Variants in SRFBP1 observed in about 807,000 individuals in gnomAD.
SRFBP1 encodes the protein serum response factor binding protein 1.
A neutral mutation model predicts 45.5 loss-of-function variants in SRFBP1; 47 were observed. The observed-to-expected ratio is 1.03, with a 90% CI of 0.82 to 1.32. The LOEUF is 1.32. SRFBP1 is among the 40% of genes most tolerant of loss of function. The probability of loss-of-function intolerance (pLI) is 0.00; values close to 1 mark genes in which losing one functional copy is unlikely to be tolerated. For missense variants in SRFBP1, 621 were observed against 484.6 expected, an observed-to-expected ratio of 1.28 and a Z score of -2.64; for synonymous variants, 203 against 166.3, an observed-to-expected ratio of 1.22 and a Z score of -1.70.
Position 122,022,385 on chromosome 5 carries a change from G to T in SRFBP1, c.1083G>T (p.Gln361His). ...SKSSRRNFKEQAPKTRSLDFP... is the reference protein window; with the variant it reads ...SKSSRRNFKEHAPKTRSLDFP... ...CTTCTTTTAGAAATTTCAAAGAACA[G>T]GCTCCAAAAACAAGATCCCTAGGTA... Residue 361 changes from glutamine (Q) to histidine (H), a missense_variant, in exon 7 of 8, where the codon CAG (glutamine) becomes CAT (histidine). Gln to His is a conservative substitution (Grantham distance 24, BLOSUM62 0). Transcript: ENST00000339397. The T allele has an allele frequency of 6.2e-7, 1 of 1,611,402 alleles. No homozygotes were observed. Among genetic ancestry groups the T allele is most frequent in the Non-Finnish European group, 8.5e-7 (1 of 1,178,884 alleles).
chr5:122,036,102 T>C (rs751067387), intron 2 of SRFBP1, among the ~76,000 whole-genome samples: 1 of 152,234 alleles, frequency 6.6e-6, no homozygotes, highest in African/African-American at 2.4e-5. Context: ...TCCCAAGATA[T>C]GCTTGTCTTG....
At chr5:121,968,283 G>A (rs544967969) in intron 1 of SRFBP1, among the ~76,000 whole-genome samples, 5 of 151,000 alleles carry the variant, frequency 3.3e-5, no homozygotes, top group East Asian at 3.9e-4. Context: ...GGCAGGTAAC[G>A]GATACAGCAG....
chr5:122,050,111 A>T (rs142829531), intron 2 of SRFBP1, among the ~76,000 whole-genome samples: 167 of 152,268 alleles, frequency 1.1e-3, no homozygotes, highest in Non-Finnish European at 1.9e-3. Context: ...ATTGGGCTGG[A>T]TTAGCTTTTT....
chr5:121,995,502 C>T (rs1335653630), intron 4 of SRFBP1, among the ~76,000 whole-genome samples: 1 of 152,010 alleles, frequency 6.6e-6, no homozygotes, highest in African/African-American at 2.4e-5. Flanking sequence ...ATCTCTGGGA[C>T]ACATTCAAAG....
intron 2 of SRFBP1, among the ~76,000 whole-genome samples, chr5:122,054,660 G>A (rs1298881783): frequency 2.0e-5 from 3 of 152,210 alleles, no homozygotes; most frequent in South Asian, 4.2e-4. Flanking sequence ...TGCCTTTTCT[G>A]AGTAATGATT....
At chr5:121,992,029 A>G (rs1752631741) in intron 3 of SRFBP1, among the ~76,000 whole-genome samples, 1 of 152,172 alleles carries the variant, frequency 6.6e-6, no homozygotes, top group Non-Finnish European at 1.5e-5. Context: ...TTATTTTATA[A>G]TACGAAGACT....
At chr5:122,067,336 C>T in intron 2 of SRFBP1, among the ~76,000 whole-genome samples, 1 of 151,922 alleles carries the variant, frequency 6.6e-6, no homozygotes, top group Non-Finnish European at 1.5e-5. Context: ...TATCTTATAA[C>T]TGAAAGAAGC....
chr5:122,015,624 T>C (rs1048531655), intron 4 of SRFBP1, among the ~76,000 whole-genome samples: 1 of 152,244 alleles, frequency 6.6e-6, no homozygotes, highest in Non-Finnish European at 1.5e-5. Flanking sequence ...TAAAACTTTA[T>C]TAAATAAAAG....
intron 2 of SRFBP1, among the ~76,000 whole-genome samples, chr5:122,058,256 G>A (rs77141046): frequency 0.043 from 6,487 of 152,134 alleles, 160 homozygotes; most frequent in African/African-American, 0.054. Context: ...CTTCACATGA[G>A]CACCATGTCA....
At chr5:121,968,965 A>G (rs1294623588) in intron 1 of SRFBP1, among the ~76,000 whole-genome samples, 1 of 152,232 alleles carries the variant, frequency 6.6e-6, no homozygotes, top group Non-Finnish European at 1.5e-5. Context: ...AGGCTAACTC[A>G]AAAACATGGT....
chr5:122,057,641 T>TA lies in SRFBP1; in HGVS notation n.312-17660dup, dbSNP rs879356959. On this transcript the variant is annotated intron_variant and non_coding_transcript_variant, in intron 2 of 2. Transcript: ENST00000504881. ...CACTCCTGGACTGCTCTCAGTTCTT[T>TA]AAAAAAAAAAAAAATACTGATTTTG... Among the ~76,000 whole-genome samples the TA allele has an allele frequency of 1.2e-3, 174 of 143,630 alleles. 1 individual carries two copies. Among genetic ancestry groups the TA allele is most frequent in the African/African-American group, 1.3e-3 (51 of 39,246 alleles). The allele number at this position is 143,630 out of a possible 152,430, so 94.2% of individuals were successfully genotyped here. A position where few individuals can be genotyped will look rare whatever the true frequency, so the allele number is the denominator to read the frequency against.
At chr5:121,969,172 A>G (rs939018807) in intron 1 of SRFBP1, among the ~76,000 whole-genome samples, 20 of 152,234 alleles carry the variant, frequency 1.3e-4, no homozygotes, top group African/African-American at 4.6e-4. Context: ...ACCTAAATGT[A>G]TAAGAGATTG....
intron 2 of SRFBP1, among the ~76,000 whole-genome samples, chr5:122,038,294 T>C (rs1485643074): frequency 6.6e-6 from 1 of 152,070 alleles, no homozygotes; most frequent in African/African-American, 2.4e-5. Flanking sequence ...GCCCAAAATA[T>C]AGGGTCTGGC....
At chr5:122,070,241 T>C (rs1754411283) in intron 2 of SRFBP1, 1 of 878,730 alleles carries the variant, frequency 1.1e-6, no homozygotes, top group Non-Finnish European at 1.9e-6. Context: ...TAATGAGGAC[T>C]TAGCTAAATC....
chr5:122,018,276 A>G (rs1017606404), intron 4 of SRFBP1, among the ~76,000 whole-genome samples: 1 of 152,166 alleles, frequency 6.6e-6, no homozygotes, highest in African/African-American at 2.4e-5. Context: ...TGAGAGAGCA[A>G]GTTGCAAAGG....
At chr5:122,054,029 A>T (rs1014135886) in intron 2 of SRFBP1, among the ~76,000 whole-genome samples, 3 of 152,236 alleles carry the variant, frequency 2.0e-5, no homozygotes, top group Non-Finnish European at 4.4e-5. Flanking sequence ...AGAAGCTGGC[A>T]GCAAGCCCCA....
intron 4 of SRFBP1, among the ~76,000 whole-genome samples, chr5:122,016,995 C>T (rs1015531991): frequency 3.9e-5 from 6 of 152,102 alleles, no homozygotes; most frequent in African/African-American, 1.4e-4. Flanking sequence ...CTTTGGGAGG[C>T]CGAGGCAGGT....
At chr5:122,026,848 CT>C in intron 7 of SRFBP1, 93 bp from the exon 8 acceptor site, 1 of 886,156 alleles carries the variant, frequency 1.1e-6, no homozygotes, top group South Asian at 3.0e-5. Context: ...AACAAAATTT[CT>C]TTTTTTAACA....
At chr5:121,986,803 C>CT (rs1162164379) in intron 3 of SRFBP1, among the ~76,000 whole-genome samples, 1 of 152,040 alleles carries the variant, frequency 6.6e-6, no homozygotes, top group East Asian at 1.9e-4. Context: ...AAATCCAAAA[C>CT]TTGGATAGTT....
Sources: allele counts gnomAD v4.1 joint callset (sites outside exome capture counted in the v4.1 genomes callset), GRCh38; gene constraint gnomAD v4.1.1; transcripts MANE v1.5; gene names NCBI Gene and HGNC (gene_info 2026-07-23, HGNC 2026-07-21).